The following LOXL2 variants were observed in gnomAD, a reference collection of about 807,000 sequenced individuals.
LOXL2 encodes lysyl oxidase like 2, also known as lysyl oxidase homolog 2.
A neutral mutation model predicts 93.0 loss-of-function variants in LOXL2; 70 were observed. The observed-to-expected ratio is 0.75, with a 90% CI of 0.62 to 0.92. The LOEUF is 0.92. LOXL2 is among the 40% of genes least tolerant of loss of function. The probability of loss-of-function intolerance (pLI) is 0.00; values close to 1 mark genes in which losing one functional copy is unlikely to be tolerated. For missense variants in LOXL2, 973 were observed against 1,054.9 expected (o/e 0.92, Z 1.08); for synonymous variants, 438 against 413.2 (o/e 1.06, Z -0.73).
At chr8:23,302,218 C>T (rs972563090) in intron 11 of LOXL2, 55 bp from the exon 12 acceptor site, 44 of 1,602,974 alleles carry the variant, frequency 2.7e-5, no homozygotes, top group Middle Eastern at 1.7e-4. Flanking sequence ...CCCACTGCCG[C>T]ACCCTCTTCC....
intron 1 of LOXL2, among the ~76,000 whole-genome samples, chr8:23,391,221 C>T (rs1053511952): frequency 2.0e-5 from 3 of 152,018 alleles, no homozygotes; most frequent in Admixed American, 6.6e-5. Flanking sequence ...TCATATTACC[C>T]GATCCCTACA....
rs191718778 is a variant in LOXL2, at chr8:23,330,656, C to T, written c.967-2091G>A. Among the ~76,000 whole-genome samples the T allele has an allele frequency of 2.2e-3, 334 of 152,244 alleles. 10 individuals are homozygous for T. In the Middle Eastern group the frequency reaches 0.037, roughly 17 times the overall value. ...TAATTGGTTTGGTATGAACTTGATT[C>T]CTTTGCTTTAAACCGCACAGTAGAG... On this transcript the variant is annotated intron_variant, in intron 5 of 13. Coordinates refer to ENST00000389131, the MANE Select transcript of LOXL2 (RefSeq NM_002318.3).
chr8:23,346,229 T>C (rs113964136), intron 3 of LOXL2, among the ~76,000 whole-genome samples: 3 of 148,022 alleles, frequency 2.0e-5, no homozygotes, highest in African/African-American at 7.5e-5. Flanking sequence ...TAAAATAAAA[T>C]TCAGCCCCAA....
intron 13 of LOXL2, among the ~76,000 whole-genome samples, chr8:23,298,597 T>C (rs1803077126): frequency 6.6e-6 from 1 of 152,226 alleles, no homozygotes; most frequent in African/African-American, 2.4e-5. Flanking sequence ...TTAAAAAGCC[T>C]TGGGGTCTGC....
intron 1 of LOXL2, among the ~76,000 whole-genome samples, chr8:23,371,805 G>A (rs1337199357): frequency 7.1e-5 from 10 of 140,644 alleles, no homozygotes; most frequent in Non-Finnish European, 1.4e-4. Context: ...AGCGCAGCAC[G>A]AAAGGCAGGA....
chr8:23,397,535 T>C (rs1449248433), intron 1 of LOXL2, among the ~76,000 whole-genome samples: 2 of 152,146 alleles, frequency 1.3e-5, no homozygotes, highest in African/African-American at 4.8e-5. Context: ...TCCCAGCACT[T>C]TGGGAGGCCC....
intron 1 of LOXL2, among the ~76,000 whole-genome samples, chr8:23,369,122 C>A (rs965502802): frequency 3.9e-5 from 6 of 152,188 alleles, no homozygotes; most frequent in African/African-American, 1.4e-4. Context: ...GGATGTTCAA[C>A]ACACCCACCC....
At chr8:23,337,511 C>T (rs1251512198) in intron 4 of LOXL2, 1 of 152,200 alleles carries the variant, frequency 6.6e-6, no homozygotes, top group Non-Finnish European at 1.5e-5. Flanking sequence ...CTGTCCTCTA[C>T]ACACAACAGA....
chr8:23,311,559 TTAATG>T lies in LOXL2; in HGVS notation c.1637-1653_1637-1649del, dbSNP rs778593579. Reference sequence around the variant, plus strand: ...CGCCAGCTCGCAAGGCGAGGGATCGTTAATGTACCATGGTTTGTGCTTAGCTGGTA... The same window carrying T: ...CGCCAGCTCGCAAGGCGAGGGATCGTTACCATGGTTTGTGCTTAGCTGGTA... On this transcript the variant is annotated intron_variant, in intron 9 of 13. Coordinates refer to ENST00000389131, the MANE Select transcript of LOXL2 (RefSeq NM_002318.3). 2.2e-3 allele frequency among the ~76,000 whole-genome samples: 339 copies of T among 152,296 alleles called. 1 individual carries two copies. The highest frequency in any genetic ancestry group is 3.8e-3 in the Non-Finnish European group (259 of 68,030).
At chr8:23,305,894 C>T (rs1045958540) in intron 10 of LOXL2, among the ~76,000 whole-genome samples, 1 of 151,806 alleles carries the variant, frequency 6.6e-6, no homozygotes, top group Admixed American at 6.6e-5. Flanking sequence ...TCACTGCAAC[C>T]TCTGTCTCCC....
Position 23,320,003 on chromosome 8 carries a change from A to G in LOXL2, c.1352T>C (p.Leu451Pro), listed in dbSNP as rs750530110. 4 of 1,614,082 alleles carry G rather than the reference A, an allele frequency of 2.5e-6. No individual in the cohort carries two copies. Among genetic ancestry groups the G allele is most frequent in the South Asian group, 2.2e-5 (2 of 91,084 alleles). ...CACAAGGGACCCGTTTCTCTCCACCAGCACCTCCACTCGGCCCTCGTAGGG... is the reference window on the plus strand; with the variant it reads ...CACAAGGGACCCGTTTCTCTCCACCGGCACCTCCACTCGGCCCTCGTAGGG... ...RNPYEGRVEV[L>P]VERNGSLVWG... The change falls in exon 8 of 14, where the codon CTG (leucine) becomes CCG (proline). Residue 451 changes from leucine (L) to proline (P), a missense_variant. Physicochemically the swap from Leu to Pro is moderately conservative, Grantham distance 98 (BLOSUM62 -3). Transcript: ENST00000389131.
At chr8:23,398,414 T>C (rs1373126304) in intron 1 of LOXL2, among the ~76,000 whole-genome samples, 2 of 152,304 alleles carry the variant, frequency 1.3e-5, no homozygotes, top group Middle Eastern at 3.4e-3. Flanking sequence ...CATCACTCTT[T>C]GCTTAGAAGA....
chr8:23,318,866 G>A (rs1198914549), intron 8 of LOXL2, among the ~76,000 whole-genome samples: 1 of 152,234 alleles, frequency 6.6e-6, no homozygotes, highest in African/African-American at 2.4e-5. Context: ...GAGCCACAGG[G>A]CAGGGGATCC....
chr8:23,396,198 A>G (rs905911260), intron 1 of LOXL2, among the ~76,000 whole-genome samples: 1 of 151,792 alleles, frequency 6.6e-6, no homozygotes, highest in Non-Finnish European at 1.5e-5. Flanking sequence ...CATGCCTGTA[A>G]TCCCAGCTAC....
intron 3 of LOXL2, among the ~76,000 whole-genome samples, chr8:23,344,161 C>T (rs763559338): frequency 3.3e-5 from 5 of 152,378 alleles, no homozygotes; most frequent in African/African-American, 9.6e-5. Context: ...CCAACCCAAA[C>T]GCCAAGGGAG....
chr8:23,341,530 T>G lies in LOXL2; in HGVS notation c.532-327A>C, dbSNP rs143424836. ...TGGAGAGCAAAGGGCAGCAGCCTCCTCCTGCACAGGCCTCGAAATAAATGC... is the reference window on the plus strand; with the variant it reads ...TGGAGAGCAAAGGGCAGCAGCCTCCGCCTGCACAGGCCTCGAAATAAATGC... On this transcript the variant is annotated intron_variant, in intron 3 of 13. Coordinates refer to ENST00000389131, the MANE Select transcript of LOXL2 (RefSeq NM_002318.3). 4.4e-3 allele frequency: 1,852 copies of G among 419,662 alleles called. 10 individuals carry two copies. Among genetic ancestry groups the G allele is most frequent in the Non-Finnish European group, 5.2e-3 (1,173 of 225,684 alleles). The allele number at this position is 419,662 out of a possible 1,614,324, so 26.0% of individuals were successfully genotyped here.
intron 1 of LOXL2, among the ~76,000 whole-genome samples, chr8:23,369,864 C>T (rs1804469267): frequency 6.6e-6 from 1 of 152,158 alleles, no homozygotes; most frequent in South Asian, 2.1e-4. Flanking sequence ...CCTGGCCACT[C>T]ATCATTCCCA....
intron 3 of LOXL2, among the ~76,000 whole-genome samples, chr8:23,358,835 C>T (rs1024613487): frequency 2.3e-4 from 34 of 147,756 alleles, no homozygotes; most frequent in Non-Finnish European, 4.5e-4. Context: ...GGGGAGGCCC[C>T]AGTACCTGCA....
chr8:23,321,894 A>G (rs187568773), intron 7 of LOXL2: 2 of 514,868 alleles, frequency 3.9e-6, no homozygotes, highest in Admixed American at 7.1e-5. Context: ...AGATGTTAAC[A>G]TGCAAGGAGG....
Sources: gnomAD v4.1 joint callset for allele counts (sites outside exome capture counted in the v4.1 genomes callset) on GRCh38, gnomAD v4.1.1 for gene constraint, MANE v1.5 for transcripts, NCBI Gene and HGNC (gene_info 2026-07-23, HGNC 2026-07-21) for gene names.